Variants in ADAMTSL1 observed in about 807,000 individuals in gnomAD.
ADAMTSL1 encodes ADAMTS like 1, also known as ADAMTS-like protein 1.
ADAMTSL1 carries 126 observed loss-of-function variants against 201.8 expected under a neutral mutation model. That is an observed-to-expected ratio of 0.62 (90% CI 0.54 to 0.72). ADAMTSL1 has a LOEUF of 0.72. Among genes scored for constraint, ADAMTSL1 ranks in the 30% least tolerant of loss-of-function variants. The probability of loss-of-function intolerance (pLI) is 0.00; values close to 1 mark genes in which losing one functional copy is unlikely to be tolerated. For synonymous variants in ADAMTSL1, 1,121 were observed against 903.4 expected (o/e 1.24, Z -4.32); for missense variants, 2,679 against 2,277.8 (o/e 1.18, Z -3.59).
At chr9:18,636,453 T>C (rs575639522) in intron 6 of ADAMTSL1, among the ~76,000 whole-genome samples, 35 of 152,262 alleles carry the variant, frequency 2.3e-4, no homozygotes, top group South Asian at 6.2e-4. Flanking sequence ...CAGAGGAACA[T>C]AGAAACACCA....
At chr9:18,688,790 A>ATGGAGT (rs1831031414) in intron 13 of ADAMTSL1, among the ~76,000 whole-genome samples, 1 of 142,466 alleles carries the variant, frequency 7.0e-6, no homozygotes, top group Non-Finnish European at 1.5e-5. Context: ...CCTATTTGAG[A>ATGGAGT]TGGAGTTGCC....
At chr9:18,852,733 C>T (rs889648275) in intron 23 of ADAMTSL1, among the ~76,000 whole-genome samples, 1 of 152,154 alleles carries the variant, frequency 6.6e-6, no homozygotes, top group Non-Finnish European at 1.5e-5. Flanking sequence ...AACCACATAA[C>T]CTTAATGAGT....
chr9:18,226,288 C>G (rs1037799554), intron 2 of ADAMTSL1, among the ~76,000 whole-genome samples: 1 of 152,112 alleles, frequency 6.6e-6, no homozygotes, highest in African/African-American at 2.4e-5. Flanking sequence ...GACCGTCTCT[C>G]TCAGATCCTC....
chr9:18,502,620 G>C (rs1256366741), intron 1 of ADAMTSL1, among the ~76,000 whole-genome samples: 1 of 152,174 alleles, frequency 6.6e-6, no homozygotes, highest in African/African-American at 2.4e-5. Flanking sequence ...CCAGGCTTTG[G>C]AGCTCAATAA....
chr9:18,180,097 C>T (rs1470219236), intron 2 of ADAMTSL1, among the ~76,000 whole-genome samples: 1 of 152,150 alleles, frequency 6.6e-6, no homozygotes, highest in Non-Finnish European at 1.5e-5. Context: ...GATAAAGAGT[C>T]AAGACCCATC....
At chr9:18,022,903 G>A (rs75045501) in intron 1 of ADAMTSL1, among the ~76,000 whole-genome samples, 1 of 152,036 alleles carries the variant, frequency 6.6e-6, no homozygotes, top group Non-Finnish European at 1.5e-5. Flanking sequence ...TAGGTAAGAA[G>A]TGATCAAGAT....
chr9:18,313,766 A>G (rs529716388), intron 2 of ADAMTSL1, among the ~76,000 whole-genome samples: 3 of 152,268 alleles, frequency 2.0e-5, no homozygotes, highest in African/African-American at 7.2e-5. Flanking sequence ...ACCTCCTGAC[A>G]TTGGTCTTGG....
chr9:18,871,947 C>T (rs1314082475), intron 23 of ADAMTSL1, among the ~76,000 whole-genome samples: 1 of 152,188 alleles, frequency 6.6e-6, no homozygotes, highest in African/African-American at 2.4e-5. Flanking sequence ...AGACCAGATT[C>T]TGGCCTTCAA....
At chr9:18,330,549 G>C (rs1834990791) in intron 2 of ADAMTSL1, among the ~76,000 whole-genome samples, 1 of 152,022 alleles carries the variant, frequency 6.6e-6, no homozygotes, top group Non-Finnish European at 1.5e-5. Flanking sequence ...GATGAATTCT[G>C]TTGGTTCATT....
Position 18,059,479 on chromosome 9 carries a change from G to A in ADAMTSL1, c.88-104383G>A, listed in dbSNP as rs528309210. 2.6e-5 allele frequency among the ~76,000 whole-genome samples: 4 copies of A among 152,216 alleles called. No homozygotes were observed. The East Asian group carries it at 5.8e-4, about 22-fold the overall frequency. On this transcript the variant is annotated intron_variant, in intron 1 of 29. Coordinates refer to the ADAMTSL1 transcript ENST00000680146. ...TTAGGAAGCTGGCATATTCAAGCCT[G>A]GTAACACTTTGGTGTATATGATCTA...
At chr9:17,975,932 G>A (rs957386558) in intron 1 of ADAMTSL1, among the ~76,000 whole-genome samples, 2 of 151,948 alleles carry the variant, frequency 1.3e-5, no homozygotes, top group African/African-American at 4.8e-5. Context: ...TTATTCTTTT[G>A]CATGTGGATA....
intron 2 of ADAMTSL1, among the ~76,000 whole-genome samples, chr9:18,526,467 T>C (rs750309457): frequency 3.9e-5 from 6 of 152,306 alleles, no homozygotes; most frequent in Middle Eastern, 3.4e-3. Context: ...ATGTGTGAAT[T>C]TGATCCTGTC....
At chr9:18,741,251 C>G (rs1051539365) in intron 15 of ADAMTSL1, among the ~76,000 whole-genome samples, 2 of 151,902 alleles carry the variant, frequency 1.3e-5, no homozygotes, top group African/African-American at 4.8e-5. Context: ...CAGCATAATT[C>G]TCAGTACATA....
At chr9:18,645,658 T>A (rs1291873750) in intron 7 of ADAMTSL1, among the ~76,000 whole-genome samples, 1 of 151,176 alleles carries the variant, frequency 6.6e-6, no homozygotes, top group East Asian at 1.9e-4. Flanking sequence ...CCTTTCCCCA[T>A]TGCTTGTTTT....
chr9:18,035,354 T>G (rs1490566665), intron 1 of ADAMTSL1, among the ~76,000 whole-genome samples: 1 of 152,134 alleles, frequency 6.6e-6, no homozygotes, highest in Non-Finnish European at 1.5e-5. Context: ...GGACCTATCG[T>G]TTTCTCTTGG....
At chr9:18,321,889 T>C (rs1834637734) in intron 2 of ADAMTSL1, among the ~76,000 whole-genome samples, 1 of 152,220 alleles carries the variant, frequency 6.6e-6, no homozygotes, top group Non-Finnish European at 1.5e-5. Flanking sequence ...ATATGCTATA[T>C]GATAAACTAA....
chr9:18,112,486 G>GTT (rs200200528), intron 1 of ADAMTSL1, among the ~76,000 whole-genome samples: 79 of 144,902 alleles, frequency 5.5e-4, no homozygotes, highest in African/African-American at 1.8e-3. Context: ...ATTTTTTTGG[G>GTT]TTTTTTTTTT....
chr9:18,416,357 C>G (rs1156953271), intron 2 of ADAMTSL1, among the ~76,000 whole-genome samples: 1 of 151,014 alleles, frequency 6.6e-6, no homozygotes, highest in African/African-American at 2.4e-5. Flanking sequence ...AGCTGATAGA[C>G]CTAAAAAAGA....
chr9:18,125,278 G>C (rs991509462), intron 1 of ADAMTSL1, among the ~76,000 whole-genome samples: 6 of 151,990 alleles, frequency 3.9e-5, no homozygotes, highest in Admixed American at 6.5e-5. Context: ...CATCAGATCT[G>C]GTGAGACTCA....
Sources: gnomAD v4.1 joint callset for allele counts (sites outside exome capture counted in the v4.1 genomes callset) on GRCh38, gnomAD v4.1.1 for gene constraint, MANE v1.5 for transcripts, NCBI Gene and HGNC (gene_info 2026-07-23, HGNC 2026-07-21) for gene names.